The following CCDC192 variants were observed in gnomAD, a reference collection of about 807,000 sequenced individuals.
The protein encoded by CCDC192 is coiled-coil domain-containing protein 192.
intron 6 of CCDC192, among the ~76,000 whole-genome samples, chr5:127,923,307 C>T (rs1753775203): frequency 1.3e-5 from 2 of 152,080 alleles, no homozygotes; most frequent in African/African-American, 4.8e-5. Flanking sequence ...TCCAATTTTA[C>T]TCATAGTTCA....
At chr5:127,745,254 A>C (rs1318969139) in intron 2 of CCDC192, among the ~76,000 whole-genome samples, 1 of 152,222 alleles carries the variant, frequency 6.6e-6, no homozygotes, top group Non-Finnish European at 1.5e-5. Flanking sequence ...ATTTTAGGAC[A>C]GAGAAATAAA....
At chr5:127,920,398 C>G (rs979261884) in intron 6 of CCDC192, among the ~76,000 whole-genome samples, 2 of 145,804 alleles carry the variant, frequency 1.4e-5, no homozygotes, top group African/African-American at 5.1e-5. Flanking sequence ...CTAAAAGGAA[C>G]TGAAGAGGCT....
chr5:127,924,515 G>A (rs1753813367), intron 6 of CCDC192, among the ~76,000 whole-genome samples: 1 of 152,190 alleles, frequency 6.6e-6, no homozygotes, highest in Non-Finnish European at 1.5e-5. Context: ...CAACTGGCCT[G>A]TTGTTTTATC....
intron 6 of CCDC192, among the ~76,000 whole-genome samples, chr5:127,894,701 G>A (rs245166): frequency 0.28 from 42,508 of 151,982 alleles, 6,222 homozygotes; most frequent in African/African-American, 0.36. Flanking sequence ...CCAGGTGCCT[G>A]GAGTCACCAG....
At chr5:127,824,872 T>C (rs1243375176) in intron 5 of CCDC192, among the ~76,000 whole-genome samples, 1 of 152,160 alleles carries the variant, frequency 6.6e-6, no homozygotes, top group East Asian at 1.9e-4. Flanking sequence ...AGATAAATGG[T>C]GACAAATACT....
chr5:127,917,484 T>G lies in CCDC192; in HGVS notation c.536-23698T>G, dbSNP rs184295300. On this transcript the variant is annotated intron_variant, in intron 6 of 6. Transcript: ENST00000514853. ...AGCTTAATCTTTTCTAGCTTTTGAT[T>G]TAAAGTAAAACAAGTGTAACTATTC... Among the ~76,000 whole-genome samples the G allele has an allele frequency of 2.1e-3, 318 of 152,312 alleles. 1 individual carries two copies. The highest frequency in any genetic ancestry group is 3.6e-3 in the Non-Finnish European group (245 of 68,024).
intron 3 of CCDC192, among the ~76,000 whole-genome samples, chr5:127,772,068 C>G (rs1337831591): frequency 2.6e-5 from 4 of 152,186 alleles, no homozygotes; most frequent in Admixed American, 2.6e-4. Flanking sequence ...CCAGGCACCC[C>G]TTCCTACCTG....
chr5:127,854,713 GT>G, intron 5 of CCDC192, among the ~76,000 whole-genome samples: 2 of 152,066 alleles, frequency 1.3e-5, no homozygotes, highest in Non-Finnish European at 2.9e-5. Context: ...GATACTGCAG[GT>G]TTGATTCCAT....
chr5:127,731,852 T>C (rs1047496287), intron 2 of CCDC192, among the ~76,000 whole-genome samples: 3 of 152,114 alleles, frequency 2.0e-5, no homozygotes, highest in Non-Finnish European at 4.4e-5. Flanking sequence ...ATACAAAAAT[T>C]AGCTCAAGAT....
At chr5:127,844,981 G>A (rs1160332677) in intron 5 of CCDC192, among the ~76,000 whole-genome samples, 1 of 152,208 alleles carries the variant, frequency 6.6e-6, no homozygotes, top group East Asian at 1.9e-4. Flanking sequence ...TCTCTTTGTG[G>A]TTCTTTGAAG....
chr5:127,881,481 C>T (rs1428720318), intron 6 of CCDC192, among the ~76,000 whole-genome samples: 1 of 152,118 alleles, frequency 6.6e-6, no homozygotes, highest in African/African-American at 2.4e-5. Flanking sequence ...TCAGGTCTGT[C>T]ATTCAGGTCT....
intron 5 of CCDC192, among the ~76,000 whole-genome samples, chr5:127,841,365 A>G (rs998253366): frequency 3.3e-5 from 5 of 152,174 alleles, no homozygotes; most frequent in African/African-American, 9.7e-5. Flanking sequence ...AGATTCATCA[A>G]TGTGCACCAG....
intron 3 of CCDC192, among the ~76,000 whole-genome samples, chr5:127,779,976 A>G (rs1756099808): frequency 6.6e-6 from 1 of 152,134 alleles, no homozygotes; most frequent in Non-Finnish European, 1.5e-5. Context: ...CAGTGAGAAC[A>G]TATGACATTT....
At chr5:127,736,941 C>T (rs1468190166) in intron 2 of CCDC192, among the ~76,000 whole-genome samples, 1 of 150,948 alleles carries the variant, frequency 6.6e-6, no homozygotes, top group South Asian at 2.1e-4. Context: ...CAGTTCTGCT[C>T]AGATTTTAGT....
intron 3 of CCDC192, among the ~76,000 whole-genome samples, chr5:127,776,880 A>G (rs1211158238): frequency 6.6e-6 from 1 of 152,198 alleles, no homozygotes; most frequent in Non-Finnish European, 1.5e-5. Context: ...AGGTTTGGAA[A>G]CTTCCGCCTA....
chr5:127,891,120 C>T (rs951140886), intron 6 of CCDC192, among the ~76,000 whole-genome samples: 10 of 152,128 alleles, frequency 6.6e-5, no homozygotes, highest in African/African-American at 2.2e-4. Context: ...GGCGCAATCT[C>T]GGCTCACTGC....
chr5:127,757,315 G>T (rs1754655750), intron 3 of CCDC192, among the ~76,000 whole-genome samples: 1 of 152,176 alleles, frequency 6.6e-6, no homozygotes, highest in Admixed American at 6.5e-5. Flanking sequence ...TTGGAAGTTG[G>T]CCATAGTTTG....
At chr5:127,793,734 G>A (rs1757009580) in intron 3 of CCDC192, among the ~76,000 whole-genome samples, 2 of 152,212 alleles carry the variant, frequency 1.3e-5, no homozygotes, top group South Asian at 4.1e-4. Flanking sequence ...GTACCCAGCA[G>A]AATGCCTAGT....
intron 6 of CCDC192, among the ~76,000 whole-genome samples, chr5:127,916,743 C>T (rs1041485387): frequency 6.6e-6 from 1 of 152,156 alleles, no homozygotes; most frequent in African/African-American, 2.4e-5. Flanking sequence ...GAAAGCCATG[C>T]TATAATCTGA....
Sources: allele counts gnomAD v4.1 joint callset (sites outside exome capture counted in the v4.1 genomes callset), GRCh38; gene constraint gnomAD v4.1.1; transcripts MANE v1.5; gene names NCBI Gene and HGNC (gene_info 2026-07-23, HGNC 2026-07-21).